Variants in CD226 observed in about 807,000 individuals in gnomAD.
CD226 encodes the protein CD226 molecule.
CD226 carries 24 observed loss-of-function variants against 34.9 expected under a neutral mutation model. The ratio of observed to expected loss-of-function variants is 0.69; its 90% CI spans 0.50 to 0.97. The LOEUF (loss-of-function observed/expected upper bound fraction) is 0.97, where lower values mean the gene tolerates loss of function less well. Ranked by LOEUF, CD226 falls within the 50% of genes least tolerant of loss-of-function variation. The pLI is 0.00. For missense variants in CD226, 397 were observed against 412.7 expected, an observed-to-expected ratio of 0.96 and a Z score of 0.33; for synonymous variants, 148 against 147.4, an observed-to-expected ratio of 1.00 and a Z score of -0.03.
At chr18:69,945,585 G>GGT (rs2055779277) in intron 2 of CD226, among the ~76,000 whole-genome samples, 1 of 152,134 alleles carries the variant, frequency 6.6e-6, no homozygotes, top group South Asian at 2.1e-4. Flanking sequence ...CAAGCTTGGT[G>GGT]GTTCATGCCA....
chr18:69,902,438 A>C (rs2055198864), intron 2 of CD226, among the ~76,000 whole-genome samples: 3 of 151,854 alleles, frequency 2.0e-5, no homozygotes. Flanking sequence ...TGAATGCTGG[A>C]TGTCCAGCCC....
At chr18:69,886,016 T>C (rs1225807878) in intron 3 of CD226, among the ~76,000 whole-genome samples, 7 of 152,176 alleles carry the variant, frequency 4.6e-5, no homozygotes, top group African/African-American at 1.7e-4. Flanking sequence ...AGAAGGACGC[T>C]CTGTAGCTCC....
Position 69,906,611 on chromosome 18 carries a change from G to T in CD226, c.383-10566C>A, listed in dbSNP as rs2055256783. Among the ~76,000 whole-genome samples, 5 of 152,270 alleles carry T rather than the reference G, an allele frequency of 3.3e-5. No individual in the cohort carries two copies. In the South Asian group the frequency reaches 6.2e-4, roughly 19 times the overall value. On this transcript the variant is annotated intron_variant, in intron 2 of 5. Coordinates refer to ENST00000582621, the MANE Select transcript of CD226 (RefSeq NM_001303618.2). ...AAAATGTGAATATGAGCCCTATTTT[G>T]CCTAGCAAAATATTTCACGCTTTAA... is the stretch of plus-strand genomic sequence containing the variant.
At chr18:69,893,640 G>A (rs1314887956) in intron 3 of CD226, among the ~76,000 whole-genome samples, 1 of 152,118 alleles carries the variant, frequency 6.6e-6, no homozygotes, top group African/African-American at 2.4e-5. Flanking sequence ...GGGATTTTTA[G>A]GTAAGAAGTT....
chr18:69,942,166 C>A (rs377321479), intron 2 of CD226, among the ~76,000 whole-genome samples: 29 of 152,184 alleles, frequency 1.9e-4, no homozygotes, highest in African/African-American at 6.8e-4. Context: ...ATAAATTACC[C>A]AGTCTTAAGT....
intron 3 of CD226, among the ~76,000 whole-genome samples, chr18:69,882,773 C>T (rs1984338898): frequency 6.6e-6 from 1 of 152,234 alleles, no homozygotes. Context: ...GGGTGATCCT[C>T]CTGCCTCAGC....
In CD226 at chr18:69,862,108, G is replaced by A. The variant is rs1982860814; in HGVS notation, c.*2206C>T. The A allele has an allele frequency of 6.6e-6, 1 of 152,102 alleles. No homozygotes were observed. The highest frequency in any genetic ancestry group is 2.4e-5 in the African/African-American group (1 of 41,442). The allele number at this position is 152,102 out of a possible 1,614,324, so 9.4% of individuals were successfully genotyped here. On this transcript the variant is annotated 3_prime_UTR_variant, in exon 6 of 6. Transcript: ENST00000582621. The stretch of plus-strand genomic sequence containing the variant: ...AGGCTTTGCAATACTGCAGTGGTTT[G>A]CTACAAAAGTCTTTCATGAAGTTCC...
intron 2 of CD226, among the ~76,000 whole-genome samples, chr18:69,901,040 G>C (rs2055176099): frequency 6.6e-6 from 1 of 152,116 alleles, no homozygotes; most frequent in Non-Finnish European, 1.5e-5. Context: ...CAAACCTGAT[G>C]CTAATCAAGC....
chr18:69,932,658 A>C (rs1194709943), intron 2 of CD226, among the ~76,000 whole-genome samples: 1 of 152,208 alleles, frequency 6.6e-6, no homozygotes, highest in Non-Finnish European at 1.5e-5. Flanking sequence ...CAGGAATGCC[A>C]TCCAGCTAAC....
chr18:69,938,203 G>A (rs142956588), intron 2 of CD226, among the ~76,000 whole-genome samples: 2 of 152,314 alleles, frequency 1.3e-5, no homozygotes, highest in African/African-American at 4.8e-5. Flanking sequence ...TGCATGTGTG[G>A]AGCAAGAAAA....
chr18:69,918,337 G>C (rs538553944), intron 2 of CD226, among the ~76,000 whole-genome samples: 1 of 152,312 alleles, frequency 6.6e-6, no homozygotes, highest in African/African-American at 2.4e-5. Flanking sequence ...TGGATCACCT[G>C]AGGTCAGGAG....
upstream of CD226, among the ~76,000 whole-genome samples, chr18:69,948,988 G>T: frequency 6.6e-6 from 1 of 152,172 alleles, no homozygotes; most frequent in East Asian, 1.9e-4. Context: ...TTGTGGAAAA[G>T]GTTTTATAGA....
At chr18:69,926,540 C>T (rs2055524296) in intron 2 of CD226, among the ~76,000 whole-genome samples, 1 of 152,124 alleles carries the variant, frequency 6.6e-6, no homozygotes, top group African/African-American at 2.4e-5. Context: ...TCTCATTCAT[C>T]CTAATATTTC....
intron 2 of CD226, among the ~76,000 whole-genome samples, chr18:69,912,344 A>G (rs1027846209): frequency 3.3e-5 from 5 of 152,252 alleles, no homozygotes; most frequent in Non-Finnish European, 7.3e-5. Flanking sequence ...TCTTACAGGA[A>G]GAAATTAGTG....
intron 1 of CD226, among the ~76,000 whole-genome samples, chr18:69,955,545 G>A (rs1179847393): frequency 1.3e-5 from 2 of 152,110 alleles, no homozygotes; most frequent in African/African-American, 4.8e-5. Context: ...GGATGCCCCA[G>A]CTGTTAAGAG....
chr18:69,956,410 G>T (rs1279633251), intron 1 of CD226, among the ~76,000 whole-genome samples: 1 of 152,196 alleles, frequency 6.6e-6, no homozygotes, highest in African/African-American at 2.4e-5. Flanking sequence ...AGTCTTGCTG[G>T]AGAGAAGGAA....
At position 69,855,945 on chromosome 18, in the gene CD226, G is replaced by A. The variant is rs2145155448; in HGVS notation, c.*8369C>T. The stretch of plus-strand genomic sequence containing the variant: ...TATGATCATTACATATTGTATACAG[G>A]TATCAAAACATCACATGTACCCCCC... On this transcript the variant is annotated 3_prime_UTR_variant, in exon 6 of 6. Transcript: ENST00000582621. 1 of 152,020 alleles carries A rather than the reference G, an allele frequency of 6.6e-6. No individual in the cohort carries two copies. The highest frequency in any genetic ancestry group is 1.9e-4 in the East Asian group (1 of 5,174). 9.4% of individuals were successfully genotyped at this position (152,020 alleles called of 1,614,324 possible).
rs1469362960 is a variant in CD226, at chr18:69,860,503, G to A, written c.*3811C>T. On this transcript the variant is annotated 3_prime_UTR_variant, in exon 6 of 6. Coordinates refer to ENST00000582621, the MANE Select transcript of CD226 (RefSeq NM_001303618.2). ...GAATCTGGAAAAATATGTGTAAACC[G>A]ACCTTGAGGATTTATAAAATTTCCT... is the stretch of plus-strand genomic sequence containing the variant. 6.6e-5 allele frequency: 10 copies of A among 152,268 alleles called. No homozygotes were observed. The South Asian group carries it at 1.9e-3, about 28-fold the overall frequency. The allele number at this position is 152,268 out of a possible 1,614,324, so 9.4% of individuals were successfully genotyped here.
At chr18:69,958,935 T>A (rs1439934922), upstream of CD226, among the ~76,000 whole-genome samples, 1 of 152,196 alleles carries the variant, frequency 6.6e-6, no homozygotes, top group Non-Finnish European at 1.5e-5. Flanking sequence ...TACCTTTTGT[T>A]GTTTCTCTGT....
Sources: allele counts gnomAD v4.1 joint callset (sites outside exome capture counted in the v4.1 genomes callset), GRCh38; gene constraint gnomAD v4.1.1; transcripts MANE v1.5; gene names NCBI Gene and HGNC (gene_info 2026-07-23, HGNC 2026-07-21).